Variants in SHC3 observed in about 807,000 individuals in gnomAD.
SHC3 encodes SHC-transforming protein 3.
A neutral mutation model predicts 60.4 loss-of-function variants in SHC3; 15 were observed. The ratio of observed to expected loss-of-function variants is 0.25; its 90% CI spans 0.17 to 0.38. The LOEUF is 0.38. Among genes scored for constraint, SHC3 ranks in the 10% least tolerant of loss-of-function variants. SHC3 has a pLI of 1.00. For synonymous variants in SHC3, 294 were observed against 325.9 expected (o/e 0.90, Z 1.05); for missense variants, 677 against 786.1 (o/e 0.86, Z 1.66).
In SHC3 at chr9:89,178,068, G is replaced by A; in HGVS notation, c.393C>T (p.Asp131=). ...CCCGAGGGGGCCTGGGCAGCGGCTC[G>A]TCGCCGGGCCGGCCCTTCCTGGCGG... The part of the protein sequence containing the change: ...MSAARKGRPG[D]EPLPRPPRGA... The change falls in exon 1 of 12, where the codon GAC becomes GAT. Residue 131 remains aspartate, a synonymous_variant. Coordinates refer to ENST00000375835, the MANE Select transcript of SHC3 (RefSeq NM_016848.6). The surrounding 1 kb of genome is among the most constrained non-coding windows in gnomAD (Gnocchi z 6.9). 8.3e-7 allele frequency: 1 copy of A among 1,206,678 alleles called. No homozygotes were observed. The highest frequency in any genetic ancestry group is 1.0e-6 in the Non-Finnish European group (1 of 972,340). The allele number at this position is 1,206,678 out of a possible 1,614,324, so 74.7% of individuals were successfully genotyped here.
intron 1 of SHC3, among the ~76,000 whole-genome samples, chr9:89,158,192 G>A (rs909493910): frequency 6.6e-6 from 1 of 151,640 alleles, no homozygotes; most frequent in Admixed American, 6.6e-5. Flanking sequence ...ATTTTGACAT[G>A]TTGTGGCTTC....
At chr9:89,074,320 A>T (rs1410925553) in intron 4 of SHC3, among the ~76,000 whole-genome samples, 1 of 152,132 alleles carries the variant, frequency 6.6e-6, no homozygotes, top group African/African-American at 2.4e-5. Context: ...CAGCCCCAGA[A>T]GCTGAGCCGG....
intron 2 of SHC3, among the ~76,000 whole-genome samples, chr9:89,085,711 C>T (rs1825518297): frequency 6.6e-6 from 1 of 152,206 alleles, no homozygotes; most frequent in Non-Finnish European, 1.5e-5. Flanking sequence ...TCCTGGGGCA[C>T]AAACCTGCAG....
At chr9:89,028,273 C>CTA (rs1587682429) in intron 11 of SHC3, among the ~76,000 whole-genome samples, 1 of 151,936 alleles carries the variant, frequency 6.6e-6, no homozygotes, top group African/African-American at 2.4e-5. Flanking sequence ...GGAAAGAGAG[C>CTA]TATATGTATC....
intron 1 of SHC3, among the ~76,000 whole-genome samples, chr9:89,169,933 C>A (rs1255861918): frequency 6.6e-6 from 1 of 152,094 alleles, no homozygotes; most frequent in Admixed American, 6.6e-5. Flanking sequence ...GGGCTGCAAG[C>A]GGAGGAGGTG....
chr9:89,071,714 G>T lies in SHC3; in HGVS notation c.730-462C>A, dbSNP rs944524251. Among the ~76,000 whole-genome samples, 689 of 152,212 alleles carry T rather than the reference G, an allele frequency of 4.5e-3. 3 individuals are homozygous for T. The highest frequency in any genetic ancestry group is 9.0e-3 in the Admixed American group (138 of 15,292). On this transcript the variant is annotated intron_variant, in intron 4 of 11. Coordinates refer to ENST00000375835, the MANE Select transcript of SHC3 (RefSeq NM_016848.6). ...GATGTTTGCCTAATTAATGAAGATG[G>T]CACCCAACAAGATAAGGACATAAAA...
chr9:89,015,204 G>A (rs1323121447), intron 11 of SHC3, among the ~76,000 whole-genome samples: 4 of 152,204 alleles, frequency 2.6e-5, no homozygotes, highest in African/African-American at 9.7e-5. Context: ...GAAGCCAGGG[G>A]CACCCAGGAA....
At chr9:89,101,975 T>C (rs1471095925) in intron 2 of SHC3, among the ~76,000 whole-genome samples, 1 of 152,136 alleles carries the variant, frequency 6.6e-6, no homozygotes, top group Non-Finnish European at 1.5e-5. Context: ...TAAAAATATT[T>C]TTACAATCAT....
intron 1 of SHC3, among the ~76,000 whole-genome samples, chr9:89,165,033 T>A (rs1222102579): frequency 6.6e-6 from 1 of 152,216 alleles, no homozygotes; most frequent in Non-Finnish European, 1.5e-5. Flanking sequence ...TTAGAAACTG[T>A]CTACCTGTCT....
intron 7 of SHC3, among the ~76,000 whole-genome samples, chr9:89,051,257 A>AT (rs1400051455): frequency 7.9e-5 from 12 of 152,162 alleles, no homozygotes. Context: ...ATTAGAATAG[A>AT]TTTTCATTAT....
intron 6 of SHC3, among the ~76,000 whole-genome samples, chr9:89,056,789 T>C (rs925257942): frequency 4.6e-5 from 7 of 152,274 alleles, no homozygotes; most frequent in African/African-American, 1.7e-4. Flanking sequence ...CCAGCCTTCA[T>C]GTCCCACACA....
chr9:89,061,472 T>C (rs1218627971), intron 6 of SHC3, among the ~76,000 whole-genome samples: 2 of 152,190 alleles, frequency 1.3e-5, no homozygotes, highest in South Asian at 2.1e-4. Flanking sequence ...CCATGTGGGC[T>C]TCCCACTCAA....
At chr9:89,096,764 C>T (rs1186077801) in intron 2 of SHC3, among the ~76,000 whole-genome samples, 1 of 152,210 alleles carries the variant, frequency 6.6e-6, no homozygotes, top group Non-Finnish European at 1.5e-5. Context: ...AGACGTGCTA[C>T]TGGCATCTAG....
At chr9:89,070,396 T>C (rs1046814076) in intron 5 of SHC3, among the ~76,000 whole-genome samples, 1 of 152,194 alleles carries the variant, frequency 6.6e-6, no homozygotes, top group African/African-American at 2.4e-5. Context: ...CCTCACTCCT[T>C]TGTGACCAAT....
chr9:89,095,444 T>C (rs1825687216), intron 2 of SHC3, among the ~76,000 whole-genome samples: 1 of 151,980 alleles, frequency 6.6e-6, no homozygotes, highest in African/African-American at 2.4e-5. Flanking sequence ...AGTTGCTGGA[T>C]CGGGACGGGG....
Position 89,046,866 on chromosome 9 carries a change from G to T in SHC3, c.1091C>A (p.Pro364His). 6.2e-7 allele frequency: 1 copy of T among 1,606,172 alleles called. No homozygotes were observed. The highest frequency in any genetic ancestry group is 8.5e-7 in the Non-Finnish European group (1 of 1,176,498). Residue 364 changes from proline (P) to histidine (H), a missense_variant, in exon 8 of 12, where the codon CCC becomes CAC. Coordinates refer to ENST00000375835, the MANE Select transcript of SHC3 (RefSeq NM_016848.6). ...GFLDTRLKPR[P>H]HAPDTAQFAG... ...TACCTGGGCTGTGTCAGGAGCATGGGGTCTGGGTTTCAGTCTAGTATCAAG... is the reference window on the plus strand; with the variant it reads ...TACCTGGGCTGTGTCAGGAGCATGGTGTCTGGGTTTCAGTCTAGTATCAAG...
At chr9:89,140,632 A>G (rs1234570824) in intron 1 of SHC3, among the ~76,000 whole-genome samples, 1 of 152,232 alleles carries the variant, frequency 6.6e-6, no homozygotes, top group Admixed American at 6.5e-5. Context: ...AGTCAAAAAC[A>G]TCAGATACGG....
intron 1 of SHC3, among the ~76,000 whole-genome samples, chr9:89,170,509 G>A (rs1170700328): frequency 6.6e-6 from 1 of 152,166 alleles, no homozygotes; most frequent in East Asian, 1.9e-4. Context: ...AGCCAAGCAT[G>A]GTGGTGTGTG....
At chr9:89,061,149 C>T (rs1012911445) in intron 6 of SHC3, among the ~76,000 whole-genome samples, 54 of 152,138 alleles carry the variant, frequency 3.5e-4, no homozygotes, top group African/African-American at 1.3e-3. Flanking sequence ...TGGGAAACAT[C>T]CAACCATCAG....
Sources: allele counts gnomAD v4.1 joint callset (sites outside exome capture counted in the v4.1 genomes callset), GRCh38; gene constraint gnomAD v4.1.1; non-coding constraint Gnocchi (gnomAD v3.1); transcripts MANE v1.5; gene names NCBI Gene and HGNC (gene_info 2026-07-23, HGNC 2026-07-21).